TERF1: variants seen among roughly 807,000 people sequenced by gnomAD.
The protein encoded by TERF1 is telomeric repeat-binding factor 1.
A neutral mutation model predicts 55.1 loss-of-function variants in TERF1; 20 were observed. The observed-to-expected ratio is 0.36, with a 90% CI of 0.26 to 0.53. TERF1 has a LOEUF of 0.53. Ranked by LOEUF, TERF1 falls within the 20% of genes least tolerant of loss-of-function variation. The pLI, the probability that TERF1 is intolerant of heterozygous loss-of-function variation, is 0.91. For missense variants in TERF1, 439 were observed against 535.7 expected (o/e 0.82, Z 1.78); for synonymous variants, 168 against 181.2 (o/e 0.93, Z 0.59).
chr8:73,016,691 ACT>A (rs1301598339), intron 2 of TERF1, among the ~76,000 whole-genome samples: 1 of 151,452 alleles, frequency 6.6e-6, no homozygotes, highest in African/African-American at 2.4e-5. Flanking sequence ...GCCTCCCAAA[ACT>A]CTGGGAGACT....
At position 73,020,645 on chromosome 8, in the gene TERF1, A is replaced by T. The variant is rs1317860050; in HGVS notation, c.416-39A>T. Reference sequence around the variant, plus strand: ...ATTAAAAACTGACAAAGTTCTACTTAGCTTTCTGAGTTACTTATTTTTGTT... The same window carrying T: ...ATTAAAAACTGACAAAGTTCTACTTTGCTTTCTGAGTTACTTATTTTTGTT... On this transcript the variant is annotated intron_variant, in intron 2 of 9. Coordinates refer to ENST00000276603, the MANE Select transcript of TERF1 (RefSeq NM_017489.3). The T allele has an allele frequency of 2.6e-6, 4 of 1,559,522 alleles. No individual in the cohort carries two copies. The East Asian group carries it at 9.1e-5, about 35-fold the overall frequency.
intron 2 of TERF1, among the ~76,000 whole-genome samples, chr8:73,015,984 A>G (rs1808485685): frequency 6.6e-6 from 1 of 152,100 alleles, no homozygotes; most frequent in African/African-American, 2.4e-5. Flanking sequence ...GGCCAGGCAC[A>G]TGGCTCACAC....
intron 9 of TERF1, 80 bp downstream of exon 9, chr8:73,039,299 A>G: frequency 9.8e-7 from 1 of 1,020,216 alleles, no homozygotes; most frequent in Non-Finnish European, 1.4e-6. Context: ...TTTCTGTTCA[A>G]CCTCCCCAAA....
intron 1 of TERF1, 32 bp downstream of exon 1, chr8:73,009,237 C>CGCGGGGGGCGGAT: frequency 6.3e-7 from 1 of 1,582,238 alleles, no homozygotes. Flanking sequence ...GCCGGGACTA[C>CGCGGGGGGCGGAT]GCGGGGGGCG....
intron 9 of TERF1, among the ~76,000 whole-genome samples, chr8:73,043,527 T>A (rs1405731406): frequency 2.0e-5 from 3 of 152,112 alleles, no homozygotes; most frequent in African/African-American, 7.2e-5. Flanking sequence ...ACATACATAG[T>A]TTCTGTTACA....
chr8:73,023,814 C>G (rs1005355925), intron 4 of TERF1, among the ~76,000 whole-genome samples: 3 of 152,146 alleles, frequency 2.0e-5, no homozygotes, highest in African/African-American at 7.2e-5. Context: ...GTTGTCTCAA[C>G]AAATTGAGAA....
At chr8:73,032,653 C>T (rs894720829) in intron 8 of TERF1, among the ~76,000 whole-genome samples, 3 of 151,960 alleles carry the variant, frequency 2.0e-5, no homozygotes. Flanking sequence ...ACCCAACGCC[C>T]CATTTCTCAG....
chr8:73,037,696 GTATAATATTATATTA>G, intron 8 of TERF1, among the ~76,000 whole-genome samples: 1 of 41,350 alleles, frequency 2.4e-5, no homozygotes, highest in African/African-American at 8.9e-5. Flanking sequence ...ATATTATATA[GTATAATATTATATTA>G]TATATAATAT....
chr8:73,024,636 TGAG>T (rs1294664186), intron 4 of TERF1, among the ~76,000 whole-genome samples, 183 bp from the exon 5 acceptor site: 3 of 150,574 alleles, frequency 2.0e-5, no homozygotes, highest in South Asian at 2.1e-4. Flanking sequence ...TTTTTTAAAA[TGAG>T]GAGAGGCCAG....
At chr8:73,028,271 G>A (rs1809107405) in intron 6 of TERF1, among the ~76,000 whole-genome samples, 1 of 152,060 alleles carries the variant, frequency 6.6e-6, no homozygotes, top group Admixed American at 6.6e-5. Context: ...TGCAATCCAT[G>A]TGTACCAAAC....
At chr8:73,016,914 A>C (rs1000855868) in intron 2 of TERF1, among the ~76,000 whole-genome samples, 4 of 152,094 alleles carry the variant, frequency 2.6e-5, no homozygotes, top group African/African-American at 9.7e-5. Flanking sequence ...AAAATCAGCA[A>C]ATCGGCAGCT....
chr8:73,035,678 T>A (rs1809479694), intron 8 of TERF1, among the ~76,000 whole-genome samples: 1 of 152,350 alleles, frequency 6.6e-6, no homozygotes, highest in African/African-American at 2.4e-5. Flanking sequence ...TGTGATTATT[T>A]GCTTTTTGCT....
chr8:73,018,944 T>C lies in TERF1; in HGVS notation c.416-1740T>C, dbSNP rs55985458. On this transcript the variant is annotated intron_variant, in intron 2 of 9. Coordinates refer to ENST00000276603, the MANE Select transcript of TERF1 (RefSeq NM_017489.3). ...ATGAATAATGATACAAGAGTTTCTTTTTAATTAATGCAGTGCTCATGAATT... is the reference window on the plus strand; with the variant it reads ...ATGAATAATGATACAAGAGTTTCTTCTTAATTAATGCAGTGCTCATGAATT... 233 of 152,348 alleles carry C rather than the reference T, an allele frequency of 1.5e-3. 1 individual carries two copies. Among genetic ancestry groups the C allele is most frequent in the African/African-American group, 5.3e-3 (222 of 41,578 alleles). 9.4% of individuals were successfully genotyped at this position (152,348 alleles called of 1,614,324 possible).
chr8:73,045,103 A>G (rs1809980407), intron 9 of TERF1, among the ~76,000 whole-genome samples: 1 of 152,112 alleles, frequency 6.6e-6, no homozygotes, highest in Admixed American at 6.6e-5. Context: ...TAACTGTCAT[A>G]CTGTTTTCCA....
chr8:73,020,984 A>C (rs55916901), intron 3 of TERF1, among the ~76,000 whole-genome samples, 179 bp downstream of exon 3: 1 of 152,176 alleles, frequency 6.6e-6, no homozygotes, highest in Non-Finnish European at 1.5e-5. Flanking sequence ...TTAATGTGCC[A>C]TACTTAAGCA....
intron 9 of TERF1, among the ~76,000 whole-genome samples, chr8:73,040,851 C>G (rs2129911604): frequency 6.6e-6 from 1 of 152,024 alleles, no homozygotes. Flanking sequence ...TTCAAATGTA[C>G]TGATTCTTTC....
intron 2 of TERF1, among the ~76,000 whole-genome samples, chr8:73,019,900 TTTTC>T (rs1380978007): frequency 1.3e-5 from 2 of 152,330 alleles, no homozygotes; most frequent in East Asian, 1.9e-4. Flanking sequence ...CCAGAACCTT[TTTTC>T]TTTCTTCTAG....
rs56303908 is a variant in TERF1 at position 73,026,641 on chromosome 8, T to A, written c.775-299T>A. Among the ~76,000 whole-genome samples, 1,336 of 142,408 alleles carry A rather than the reference T, an allele frequency of 9.4e-3. 11 individuals are homozygous for A. Among genetic ancestry groups the A allele is most frequent in the African/African-American group, 0.03 (999 of 33,402 alleles). 93.4% of individuals were successfully genotyped at this position (142,408 alleles called of 152,430 possible). A position where few individuals can be genotyped will look rare whatever the true frequency, so the allele number is the denominator to read the frequency against. On this transcript the variant is annotated intron_variant, in intron 5 of 9. Coordinates refer to ENST00000276603, the MANE Select transcript of TERF1 (RefSeq NM_017489.3). ...TTGAAAATATCTAGAATTTTTATTT[T>A]TTTTTTTTTTCATGCAGCCTTTTCT... is the stretch of plus-strand genomic sequence containing the variant.
intron 3 of TERF1, 146 bp from the exon 4 acceptor site, chr8:73,022,070 T>G (rs1405176432): frequency 5.9e-6 from 3 of 510,050 alleles, no homozygotes; most frequent in Non-Finnish European, 1.0e-5. Context: ...AAAAATAATT[T>G]TATATCTTTT....
Sources: gnomAD v4.1 joint callset for allele counts (sites outside exome capture counted in the v4.1 genomes callset) on GRCh38, gnomAD v4.1.1 for gene constraint, MANE v1.5 for transcripts, NCBI Gene and HGNC (gene_info 2026-07-23, HGNC 2026-07-21) for gene names.